GRIA1: variants seen among roughly 807,000 people sequenced by gnomAD.
GRIA1 encodes glutamate receptor 1.
GRIA1 carries 31 observed loss-of-function variants against 99.2 expected under a neutral mutation model. That is an observed-to-expected ratio of 0.31 (90% CI 0.23 to 0.42). The LOEUF (loss-of-function observed/expected upper bound fraction) is 0.42, where lower values mean the gene tolerates loss of function less well. Ranked by LOEUF, GRIA1 falls within the 10% of genes least tolerant of loss-of-function variation. The pLI is 1.00. For synonymous variants in GRIA1, 438 were observed against 432.4 expected (o/e 1.01, Z -0.16); for missense variants, 782 against 1,157.5 (o/e 0.68, Z 4.71).
At chr5:153,719,061 G>T (rs1404993669) in intron 11 of GRIA1, among the ~76,000 whole-genome samples, 1 of 152,132 alleles carries the variant, frequency 6.6e-6, no homozygotes, top group Non-Finnish European at 1.5e-5. Context: ...TGAGCACCTG[G>T]TTTTGTTTCT....
intron 15 of GRIA1, among the ~76,000 whole-genome samples, chr5:153,808,507 TAA>T (rs1159705013): frequency 6.6e-6 from 1 of 152,146 alleles, no homozygotes; most frequent in Non-Finnish European, 1.5e-5. Context: ...GTCTGTAAAG[TAA>T]AAGAACAAAT....
intron 2 of GRIA1, among the ~76,000 whole-genome samples, chr5:153,535,895 T>A (rs1758523207): frequency 6.6e-6 from 1 of 152,224 alleles, no homozygotes; most frequent in African/African-American, 2.4e-5. Context: ...CCCTCTAATC[T>A]GTCACGCTGT....
At chr5:153,541,238 T>C (rs1759063415) in intron 2 of GRIA1, among the ~76,000 whole-genome samples, 1 of 152,216 alleles carries the variant, frequency 6.6e-6, no homozygotes, top group Admixed American at 6.5e-5. Flanking sequence ...TTATGCTGAG[T>C]AGACATGAGC....
chr5:153,696,520 G>C (rs1449775864), intron 8 of GRIA1, among the ~76,000 whole-genome samples: 1 of 152,216 alleles, frequency 6.6e-6, no homozygotes, highest in Non-Finnish European at 1.5e-5. Flanking sequence ...CTCTGACATA[G>C]CAAGAGCATC....
At chr5:153,550,532 G>A (rs1760042051) in intron 2 of GRIA1, among the ~76,000 whole-genome samples, 1 of 151,964 alleles carries the variant, frequency 6.6e-6, no homozygotes, top group South Asian at 2.1e-4. Flanking sequence ...TATTCTAATA[G>A]GTACAATTGT....
At chr5:153,578,813 C>T (rs1762798265) in intron 2 of GRIA1, among the ~76,000 whole-genome samples, 2 of 152,130 alleles carry the variant, frequency 1.3e-5, no homozygotes, top group African/African-American at 4.8e-5. Context: ...GAGGCTGAGG[C>T]AGGAGAATTG....
At chr5:153,702,636 C>T (rs1758609822) in intron 10 of GRIA1, among the ~76,000 whole-genome samples, 1 of 152,226 alleles carries the variant, frequency 6.6e-6, no homozygotes, top group Non-Finnish European at 1.5e-5. Context: ...GGACCAATAG[C>T]ATTAGCACCA....
intron 2 of GRIA1, among the ~76,000 whole-genome samples, chr5:153,506,253 G>A (rs941876581): frequency 2.6e-5 from 4 of 151,374 alleles, no homozygotes; most frequent in African/African-American, 9.7e-5. Flanking sequence ...GATGGAATTG[G>A]CTATACTTCT....
intron 11 of GRIA1, among the ~76,000 whole-genome samples, chr5:153,749,487 CAAGGGGG>C (rs1269776137): frequency 1.3e-5 from 2 of 152,104 alleles, no homozygotes; most frequent in African/African-American, 4.8e-5. Flanking sequence ...CGGAGGAAGG[CAAGGGGG>C]AGCTGGCATG....
chr5:153,742,848 A>C (rs1007004361), intron 11 of GRIA1, among the ~76,000 whole-genome samples: 1 of 152,232 alleles, frequency 6.6e-6, no homozygotes, highest in African/African-American at 2.4e-5. Context: ...GTCCACCTGG[A>C]AAATCTTCCT....
At chr5:153,685,401 A>G (rs1176825126) in intron 7 of GRIA1, among the ~76,000 whole-genome samples, 1 of 152,154 alleles carries the variant, frequency 6.6e-6, no homozygotes, top group East Asian at 1.9e-4. Flanking sequence ...AGGCCATGAA[A>G]GTTTGATTTT....
intron 2 of GRIA1, among the ~76,000 whole-genome samples, chr5:153,617,537 G>T (rs1343977369): frequency 6.6e-6 from 1 of 152,190 alleles, no homozygotes; most frequent in Admixed American, 6.5e-5. Context: ...AGCTTGAGTA[G>T]AATTGGGAAA....
chr5:153,776,532 C>T (rs1008173184), intron 13 of GRIA1, among the ~76,000 whole-genome samples: 2 of 152,134 alleles, frequency 1.3e-5, no homozygotes, highest in Non-Finnish European at 1.5e-5. Flanking sequence ...TGATGAAGGC[C>T]GTCGATCACC....
chr5:153,620,501 C>T (rs968538652), intron 2 of GRIA1, among the ~76,000 whole-genome samples: 1 of 152,142 alleles, frequency 6.6e-6, no homozygotes, highest in Non-Finnish European at 1.5e-5. Flanking sequence ...CTCAAGAACA[C>T]TTGTCCTGAG....
chr5:153,641,489 T>C (rs1753775229), intron 2 of GRIA1, among the ~76,000 whole-genome samples: 2 of 152,116 alleles, frequency 1.3e-5, no homozygotes, highest in Non-Finnish European at 2.9e-5. Context: ...CTCTCACTGG[T>C]TCCTGCCCTC....
chr5:153,799,756 C>G (rs1319706494), intron 14 of GRIA1, among the ~76,000 whole-genome samples: 1 of 152,108 alleles, frequency 6.6e-6, no homozygotes, highest in Non-Finnish European at 1.5e-5. Flanking sequence ...GGATGTATCC[C>G]CCCTCACACA....
chr5:153,634,584 G>A (rs769561200), intron 2 of GRIA1, among the ~76,000 whole-genome samples: 47 of 152,090 alleles, frequency 3.1e-4, no homozygotes, highest in Non-Finnish European at 5.7e-4. Flanking sequence ...AGATAGGCAG[G>A]GCCAGAACTC....
chr5:153,723,950 G>C (rs1406696142), intron 11 of GRIA1, among the ~76,000 whole-genome samples: 1 of 152,222 alleles, frequency 6.6e-6, no homozygotes, highest in Non-Finnish European at 1.5e-5. Context: ...CCTCAAGTGA[G>C]TCCCTAACCC....
intron 2 of GRIA1, among the ~76,000 whole-genome samples, chr5:153,638,410 T>G (rs745941554): frequency 1.3e-5 from 2 of 152,248 alleles, no homozygotes; most frequent in Admixed American, 1.3e-4. Flanking sequence ...CAATCAGACA[T>G]TTAGTAGACA....
Sources: gnomAD v4.1 joint callset for allele counts (sites outside exome capture counted in the v4.1 genomes callset) on GRCh38, gnomAD v4.1.1 for gene constraint, MANE v1.5 for transcripts, NCBI Gene and HGNC (gene_info 2026-07-23, HGNC 2026-07-21) for gene names.